Variants in PPP6R3 observed in about 807,000 individuals in gnomAD.
The protein encoded by PPP6R3 is serine/threonine-protein phosphatase 6 regulatory subunit 3.
In PPP6R3, 38 loss-of-function variants were observed where a neutral mutation model predicts 110.7. The observed-to-expected ratio is 0.34, with a 90% CI of 0.26 to 0.45. The LOEUF (loss-of-function observed/expected upper bound fraction) is 0.45, where lower values mean the gene tolerates loss of function less well. Ranked by LOEUF, PPP6R3 falls within the 20% of genes least tolerant of loss-of-function variation. The pLI, the probability that PPP6R3 is intolerant of heterozygous loss-of-function variation, is 1.00. For synonymous variants in PPP6R3, 369 were observed against 373.5 expected (o/e 0.99, Z 0.14); for missense variants, 870 against 1,062.4 (o/e 0.82, Z 2.52).
intron 7 of PPP6R3, among the ~76,000 whole-genome samples, chr11:68,556,547 A>AAC (rs1216826247): frequency 6.6e-6 from 1 of 151,184 alleles, no homozygotes; most frequent in African/African-American, 2.5e-5. Flanking sequence ...AAAAAAAAAA[A>AAC]AACGAAAAAA....
chr11:68,596,484 C>T (rs1177042701), intron 19 of PPP6R3, among the ~76,000 whole-genome samples: 1 of 152,150 alleles, frequency 6.6e-6, no homozygotes. Flanking sequence ...AGGACAGAGC[C>T]CACTGCTAGG....
chr11:68,462,113 CAGCT>C (rs1280224109), intron 1 of PPP6R3, among the ~76,000 whole-genome samples: 2 of 152,206 alleles, frequency 1.3e-5, no homozygotes, highest in Non-Finnish European at 2.9e-5. Flanking sequence ...ACATGTAAAA[CAGCT>C]AGAGCTGTGC....
chr11:68,544,849 T>G lies in PPP6R3; in HGVS notation c.239T>G (p.Ile80Arg). ...DEKIRYKYPN[I>R]SCELLTSDVS... ...TCCTGTTCTTCTAGGTATCCAAATATATCTTGTGAGTTGCTCACTTCTGAT... is the reference window on the plus strand; with the variant it reads ...TCCTGTTCTTCTAGGTATCCAAATAGATCTTGTGAGTTGCTCACTTCTGAT... The change falls in exon 4 of 24, where the codon ATA becomes AGA. Residue 80 changes from isoleucine (I) to arginine (R), a missense_variant. Coordinates refer to ENST00000393800, the MANE Select transcript of PPP6R3 (RefSeq NM_001164161.2). 1.3e-6 allele frequency: 2 copies of G among 1,594,474 alleles called. No homozygotes were observed. Among genetic ancestry groups the G allele is most frequent in the Non-Finnish European group, 1.7e-6 (2 of 1,163,578 alleles).
At chr11:68,501,853 C>T (rs1356108097) in intron 1 of PPP6R3, among the ~76,000 whole-genome samples, 1 of 152,206 alleles carries the variant, frequency 6.6e-6, no homozygotes, top group Non-Finnish European at 1.5e-5. Context: ...GCTTCCTGTG[C>T]TTTGGTCATA....
chr11:68,491,374 GTGTGTT>G (rs1289814777), intron 1 of PPP6R3, among the ~76,000 whole-genome samples: 5 of 143,770 alleles, frequency 3.5e-5, no homozygotes, highest in Admixed American at 6.8e-5. Flanking sequence ...GTGTGTGTGT[GTGTGTT>G]TGAGACAGAG....
chr11:68,563,053 A>G (rs1297322065), intron 8 of PPP6R3, among the ~76,000 whole-genome samples: 2 of 151,504 alleles, frequency 1.3e-5, no homozygotes, highest in Non-Finnish European at 2.9e-5. Flanking sequence ...CATGCCTAGC[A>G]CTTTGGGAGG....
At chr11:68,559,692 G>A (rs1029668996) in intron 8 of PPP6R3, among the ~76,000 whole-genome samples, 9 of 152,156 alleles carry the variant, frequency 5.9e-5, no homozygotes, top group Non-Finnish European at 1.0e-4. Flanking sequence ...GTTGTAGTTT[G>A]GGGGTTGTTT....
At chr11:68,564,489 T>C in intron 9 of PPP6R3, 57 bp downstream of exon 9, 1 of 1,586,008 alleles carries the variant, frequency 6.3e-7, no homozygotes, top group South Asian at 1.1e-5. Context: ...GAAACAGTCA[T>C]TCGAATGTGT....
chr11:68,561,833 A>T (rs1370202460), intron 8 of PPP6R3, among the ~76,000 whole-genome samples: 1 of 152,208 alleles, frequency 6.6e-6, no homozygotes, highest in African/African-American at 2.4e-5. Flanking sequence ...ATCATAGCTT[A>T]CTATTGACTT....
chr11:68,472,453 G>C (rs1010453288), intron 1 of PPP6R3, among the ~76,000 whole-genome samples: 79 of 152,292 alleles, frequency 5.2e-4, no homozygotes, highest in African/African-American at 1.8e-3. Context: ...TTGCAGGGTA[G>C]TGCGACATGT....
At chr11:68,603,253 T>C (rs1169598236) in intron 21 of PPP6R3, 89 bp from the exon 22 acceptor site, 1 of 1,503,142 alleles carries the variant, frequency 6.7e-7, no homozygotes. Context: ...GCAGTAGATG[T>C]CACGTTGGGT....
At chr11:68,461,612 AC>A (rs1352817272) in intron 1 of PPP6R3, among the ~76,000 whole-genome samples, 3 of 151,598 alleles carry the variant, frequency 2.0e-5, no homozygotes, top group Admixed American at 6.6e-5. Context: ...CACAATTTAG[AC>A]TTTTTAATTA....
intron 7 of PPP6R3, among the ~76,000 whole-genome samples, chr11:68,555,259 CAT>C: frequency 6.6e-6 from 1 of 152,240 alleles, no homozygotes. Context: ...TCCTTTAAAA[CAT>C]ATAAGACACC....
Position 68,476,064 on chromosome 11 carries a change from G to A in PPP6R3, c.-158+15237G>A, listed in dbSNP as rs1399486330. Among the ~76,000 whole-genome samples the A allele has an allele frequency of 9.2e-5, 14 of 152,180 alleles. No homozygotes were observed. The South Asian group carries it at 2.1e-3, about 23-fold the overall frequency. On this transcript the variant is annotated intron_variant, in intron 1 of 23. Coordinates refer to ENST00000393800, the MANE Select transcript of PPP6R3 (RefSeq NM_001164161.2). ...CTCCTCACTTCCCAGACGGGGTGGC[G>A]GCCGGGCAGAGGCTGCAATCTCGGC...
intron 1 of PPP6R3, among the ~76,000 whole-genome samples, chr11:68,477,078 A>G (rs1176030836): frequency 6.6e-6 from 1 of 151,654 alleles, no homozygotes; most frequent in Non-Finnish European, 1.5e-5. Context: ...TGCGATTTTG[A>G]TTCTTTGAAA....
At chr11:68,558,500 C>T (rs2153723506) in intron 7 of PPP6R3, 66 bp from the exon 8 acceptor site, 1 of 1,033,680 alleles carries the variant, frequency 9.7e-7, no homozygotes, top group East Asian at 2.4e-5. Flanking sequence ...GTACCGTCGT[C>T]TTTTTTTCTG....
At chr11:68,581,490 G>A (rs2099554366) in intron 14 of PPP6R3, among the ~76,000 whole-genome samples, 2 of 152,222 alleles carry the variant, frequency 1.3e-5, no homozygotes, top group African/African-American at 4.8e-5. Context: ...TCTTTGCATG[G>A]CCTTCTATTT....
Position 68,547,953 on chromosome 11 carries a change from T to C in PPP6R3, c.415-114T>C, listed in dbSNP as rs981513118. Reference sequence around the variant, plus strand: ...CTTGTTGCTAATTCAGCATTTGCCATTTCTCAACCTAAAGTAGTGGTAGAA... The same window carrying C: ...CTTGTTGCTAATTCAGCATTTGCCACTTCTCAACCTAAAGTAGTGGTAGAA... On this transcript the variant is annotated intron_variant, in intron 4 of 23. Transcript: ENST00000393800. 1.2e-5 allele frequency: 13 copies of C among 1,098,092 alleles called. No homozygotes were observed. In the African/African-American group the frequency reaches 1.9e-4, roughly 16 times the overall value. The allele number at this position is 1,098,092 out of a possible 1,614,324, so 68.0% of individuals were successfully genotyped here.
rs113850045 is a variant in PPP6R3 at position 68,549,866 on chromosome 11, A to G, written c.553-1255A>G. 3.9e-3 allele frequency among the ~76,000 whole-genome samples: 599 copies of G among 152,288 alleles called. 2 individuals are homozygous for G. Among genetic ancestry groups the G allele is most frequent in the African/African-American group, 0.014 (574 of 41,548 alleles). Reference sequence around the variant, plus strand: ...CCCTAAATGTCTTTTGATTTTGTGGATCCACAGTCGGAGATGACTACAGAA... The same window carrying G: ...CCCTAAATGTCTTTTGATTTTGTGGGTCCACAGTCGGAGATGACTACAGAA... On this transcript the variant is annotated intron_variant, in intron 5 of 23. Coordinates refer to ENST00000393800, the MANE Select transcript of PPP6R3 (RefSeq NM_001164161.2).
Sources: gnomAD v4.1 joint callset for allele counts (sites outside exome capture counted in the v4.1 genomes callset) on GRCh38, gnomAD v4.1.1 for gene constraint, MANE v1.5 for transcripts, NCBI Gene and HGNC (gene_info 2026-07-23, HGNC 2026-07-21) for gene names.